The following SGCD variants were observed in gnomAD, a reference collection of about 807,000 sequenced individuals.
SGCD encodes delta-sarcoglycan.
Under a neutral mutation model 36.6 loss-of-function variants are expected in SGCD, and 18 were observed. That is an observed-to-expected ratio of 0.49 (90% CI 0.34 to 0.73). The LOEUF is 0.73. SGCD is among the 30% of genes least tolerant of loss of function. The pLI, the probability that SGCD is intolerant of heterozygous loss-of-function variation, is 0.01. For synonymous variants in SGCD, 133 were observed against 130.6 expected (o/e 1.02, Z -0.12); for missense variants, 387 against 346.7 (o/e 1.12, Z -0.92).
chr5:156,291,434 T>C (rs933016627), intron 3 of SGCD, among the ~76,000 whole-genome samples: 2 of 152,116 alleles, frequency 1.3e-5, no homozygotes, highest in Admixed American at 1.3e-4. Context: ...AGCATAACTA[T>C]GTTCCAATAA....
At chr5:156,048,676 G>A (rs987703318) in intron 1 of SGCD, among the ~76,000 whole-genome samples, 18 of 152,156 alleles carry the variant, frequency 1.2e-4, no homozygotes, top group Non-Finnish European at 2.6e-4. Flanking sequence ...GGGGTTGTTT[G>A]TTTTTTTCTT....
intron 3 of SGCD, among the ~76,000 whole-genome samples, chr5:156,232,547 A>C (rs1261440366): frequency 6.6e-6 from 1 of 152,186 alleles, no homozygotes; most frequent in Non-Finnish European, 1.5e-5. Context: ...CTGAGAAACT[A>C]ATGGTAATAA....
chr5:155,855,673 A>G, the SGCD span, among the ~76,000 whole-genome samples: 1 of 152,194 alleles, frequency 6.6e-6, no homozygotes, highest in Admixed American at 6.5e-5. Flanking sequence ...AATGTATTAC[A>G]GTGTATTTCT....
the SGCD span, among the ~76,000 whole-genome samples, chr5:155,736,267 C>T: frequency 6.6e-6 from 1 of 152,280 alleles, no homozygotes; most frequent in African/African-American, 2.4e-5. Context: ...ATCTCAACCT[C>T]GCATCTTCCC....
chr5:156,652,384 G>A (rs1028218702), intron 7 of SGCD, among the ~76,000 whole-genome samples: 1 of 152,066 alleles, frequency 6.6e-6, no homozygotes, highest in Admixed American at 6.6e-5. Context: ...AGCTGCTTGG[G>A]ATGCTAAGGC....
intron 7 of SGCD, among the ~76,000 whole-genome samples, chr5:156,672,221 T>C (rs566480175): frequency 2.0e-5 from 3 of 152,258 alleles, no homozygotes; most frequent in African/African-American, 7.2e-5. Flanking sequence ...CATATTGGAG[T>C]GTTGGAGGTT....
At chr5:156,706,716 G>T (rs1754758910) in intron 7 of SGCD, among the ~76,000 whole-genome samples, 1 of 152,060 alleles carries the variant, frequency 6.6e-6, no homozygotes, top group African/African-American at 2.4e-5. Context: ...TCCCTGCACT[G>T]GGAATTTTCA....
At chr5:156,726,063 C>CTGTT (rs1257553083) in intron 7 of SGCD, among the ~76,000 whole-genome samples, 2 of 152,172 alleles carry the variant, frequency 1.3e-5, no homozygotes, top group Admixed American at 1.3e-4. Context: ...ATTTATGTCA[C>CTGTT]TGTTTGATCT....
intron 1 of SGCD, among the ~76,000 whole-genome samples, chr5:155,937,084 A>C (rs1415145403): frequency 6.6e-6 from 1 of 152,170 alleles, no homozygotes; most frequent in Admixed American, 6.5e-5. Context: ...CAGGACCGCA[A>C]GTCTGCAGAG....
chr5:156,292,067 C>A (rs1206370388), intron 3 of SGCD, among the ~76,000 whole-genome samples: 1 of 152,076 alleles, frequency 6.6e-6, no homozygotes, highest in Non-Finnish European at 1.5e-5. Context: ...TTTTTAGATG[C>A]TGTGTATAAG....
At chr5:156,541,765 A>C (rs1758356160) in intron 4 of SGCD, among the ~76,000 whole-genome samples, 1 of 152,178 alleles carries the variant, frequency 6.6e-6, no homozygotes, top group South Asian at 2.1e-4. Flanking sequence ...TAAAGTAAAA[A>C]TCATGACTTG....
chr5:156,427,748 G>C (rs572043969), intron 3 of SGCD, among the ~76,000 whole-genome samples: 3 of 152,196 alleles, frequency 2.0e-5, no homozygotes, highest in South Asian at 2.1e-4. Context: ...TATCATAAAG[G>C]GATGCTGGAT....
chr5:156,259,353 C>T (rs769953315), intron 3 of SGCD, among the ~76,000 whole-genome samples: 1 of 151,848 alleles, frequency 6.6e-6, no homozygotes, highest in African/African-American at 2.4e-5. Context: ...GTAATCTGTA[C>T]ACAAGTCTTC....
At chr5:155,960,964 C>T (rs1223162867) in intron 1 of SGCD, among the ~76,000 whole-genome samples, 7 of 152,010 alleles carry the variant, frequency 4.6e-5, no homozygotes, top group Non-Finnish European at 8.8e-5. Flanking sequence ...TTTGATCATG[C>T]GATCACGACA....
At chr5:156,697,475 C>T (rs543618664) in intron 7 of SGCD, among the ~76,000 whole-genome samples, 24 of 152,284 alleles carry the variant, frequency 1.6e-4, no homozygotes, top group African/African-American at 5.5e-4. Flanking sequence ...AAATCTCATA[C>T]ATTTGTGCTT....
At chr5:156,368,585 C>T (rs1770227744) in intron 3 of SGCD, among the ~76,000 whole-genome samples, 1 of 152,124 alleles carries the variant, frequency 6.6e-6, no homozygotes. Flanking sequence ...GACCGTAGAC[C>T]AGTACTGGCT....
chr5:156,463,493 A>G (rs1305271668), intron 3 of SGCD, among the ~76,000 whole-genome samples: 2 of 152,118 alleles, frequency 1.3e-5, no homozygotes, highest in Non-Finnish European at 2.9e-5. Context: ...TACCTGAACT[A>G]TACTTTTTTT....
chr5:156,297,767 C>T (rs1241006969), intron 3 of SGCD, among the ~76,000 whole-genome samples: 1 of 149,838 alleles, frequency 6.7e-6, no homozygotes, highest in African/African-American at 2.5e-5. Context: ...TGCACATGTA[C>T]CCTAAAACTT....
intron 3 of SGCD, among the ~76,000 whole-genome samples, chr5:156,280,086 T>A (rs1259107325): frequency 6.6e-6 from 1 of 152,118 alleles, no homozygotes; most frequent in African/African-American, 2.4e-5. Flanking sequence ...AGTCTTTCCC[T>A]TTTCCCAAAT....
Sources: gnomAD v4.1 joint callset for allele counts (sites outside exome capture counted in the v4.1 genomes callset) on GRCh38, gnomAD v4.1.1 for gene constraint, MANE v1.5 for transcripts, NCBI Gene and HGNC (gene_info 2026-07-23, HGNC 2026-07-21) for gene names.